RSPO4: variants seen among roughly 807,000 people sequenced by gnomAD.
RSPO4 encodes R-spondin-4.
Under a neutral mutation model 24.8 loss-of-function variants are expected in RSPO4, and 23 were observed. The ratio of observed to expected loss-of-function variants is 0.93; its 90% CI spans 0.67 to 1.31. The LOEUF is 1.31. Among genes scored for constraint, RSPO4 ranks in the 40% most tolerant of loss-of-function variants. The pLI is 0.00. For synonymous variants in RSPO4, 141 were observed against 127.4 expected (o/e 1.11, Z -0.72); for missense variants, 333 against 316.5 (o/e 1.05, Z -0.39).
chr20:999,954 T>C (rs1047616843), intron 1 of RSPO4, among the ~76,000 whole-genome samples: 2 of 152,030 alleles, frequency 1.3e-5, no homozygotes, highest in Non-Finnish European at 2.9e-5. Context: ...CTGCAACCTC[T>C]GCCTCCTGGG....
At chr20:1,001,360 G>A (rs879812297) in intron 1 of RSPO4, among the ~76,000 whole-genome samples, 20 of 152,182 alleles carry the variant, frequency 1.3e-4, no homozygotes, top group South Asian at 2.1e-4. Context: ...ACCTTCTGAG[G>A]ATGTTCTGAC....
chr20:993,292 G>A (rs750397030), intron 1 of RSPO4, among the ~76,000 whole-genome samples: 6 of 152,268 alleles, frequency 3.9e-5, no homozygotes, highest in Non-Finnish European at 7.3e-5. Flanking sequence ...TTCCAGGGCA[G>A]GCAGTGGCGG....
intron 3 of RSPO4, among the ~76,000 whole-genome samples, chr20:966,027 T>A (rs549269400): frequency 6.6e-6 from 1 of 152,090 alleles, no homozygotes; most frequent in Non-Finnish European, 1.5e-5. Context: ...GAGCTGGTTA[T>A]TGAAACCCAG....
intron 3 of RSPO4, 26 bp downstream of exon 3, chr20:967,148 G>A: frequency 1.2e-6 from 2 of 1,608,756 alleles, no homozygotes; most frequent in Non-Finnish European, 1.7e-6. Context: ...GAGGGGCAGG[G>A]GCAGGGCGGG....
intron 1 of RSPO4, among the ~76,000 whole-genome samples, chr20:980,530 G>A (rs957888130): frequency 3.3e-5 from 5 of 152,268 alleles, no homozygotes; most frequent in Admixed American, 1.3e-4. Flanking sequence ...TGCCCACTCC[G>A]TCTCTCAAAT....
At chr20:972,103 C>A (rs1486492993) in intron 1 of RSPO4, among the ~76,000 whole-genome samples, 2 of 152,160 alleles carry the variant, frequency 1.3e-5, no homozygotes, top group African/African-American at 4.8e-5. Context: ...CTTGCTCTGC[C>A]CCCCAGGCTG....
intron 1 of RSPO4, among the ~76,000 whole-genome samples, chr20:989,786 T>G (rs1197576253): frequency 6.6e-6 from 1 of 152,210 alleles, no homozygotes. Flanking sequence ...ATAACCTGGA[T>G]TCTGGGCTGG....
chr20:977,728 C>T (rs1221337312), intron 1 of RSPO4, among the ~76,000 whole-genome samples: 2 of 152,044 alleles, frequency 1.3e-5, no homozygotes, highest in African/African-American at 4.8e-5. Context: ...TGGAGGACTC[C>T]CCAGGGCTAA....
rs145483258 is a variant in RSPO4, at chr20:971,275, G to A, written c.80-3137C>T. Among the ~76,000 whole-genome samples the A allele has an allele frequency of 9.2e-5, 14 of 152,366 alleles. No individual in the cohort carries two copies. In the South Asian group the frequency reaches 1.7e-3, roughly 18 times the overall value. On this transcript the variant is annotated intron_variant, in intron 1 of 4. Transcript: ENST00000217260. ...GGTCCCTGGGTTCCACCCCTGGTAC[G>A]TCTGATTCAGTAGGTCTGAGAATTT...
chr20:1,001,680 A>G (rs998752351), intron 1 of RSPO4, among the ~76,000 whole-genome samples: 4 of 152,138 alleles, frequency 2.6e-5, no homozygotes, highest in African/African-American at 4.8e-5. Context: ...GCCCAGCCCA[A>G]GGCTCTCTAT....
chr20:999,938 G>A (rs549721699), intron 1 of RSPO4, among the ~76,000 whole-genome samples: 36 of 151,986 alleles, frequency 2.4e-4, no homozygotes, highest in Admixed American at 8.5e-4. Context: ...GCATGATCTC[G>A]GCTCACTGCA....
At chr20:964,250 A>G in intron 3 of RSPO4, 130 bp from the exon 4 acceptor site, 1 of 675,050 alleles carries the variant, frequency 1.5e-6, no homozygotes. Flanking sequence ...TCCACCTGCT[A>G]GGAGCAGAGT....
chr20:964,062 G>A lies in RSPO4; in HGVS notation c.468C>T (p.Thr156=), dbSNP rs774425406. 9.3e-6 allele frequency: 15 copies of A among 1,613,840 alleles called. No individual in the cohort carries two copies. The highest frequency in any genetic ancestry group is 1.1e-5 in the Non-Finnish European group (13 of 1,180,022). Residue 156 remains threonine (T), a synonymous_variant, in exon 4 of 5, where the codon ACC becomes ACT. Transcript: ENST00000217260. ...TCTCCAGGCCCCAAGCCGAGCCGCA[G>A]GTCTTTCCATTGTGTGTGCAGGGGC... ...GWSPCTHNGK[T]CGSAWGLESR... is the part of the protein sequence containing the mutation.
chr20:988,342 G>A (rs1984988494), intron 1 of RSPO4, among the ~76,000 whole-genome samples: 1 of 152,124 alleles, frequency 6.6e-6, no homozygotes, highest in Admixed American at 6.5e-5. Flanking sequence ...TGGACTGTGG[G>A]GCAGGAGTAG....
At chr20:997,236 C>T (rs895080589) in intron 1 of RSPO4, among the ~76,000 whole-genome samples, 35 of 152,328 alleles carry the variant, frequency 2.3e-4, no homozygotes, top group African/African-American at 8.4e-4. Context: ...CCTGAATCTC[C>T]TTCAGTGGCT....
At position 958,500 on chromosome 20, in the gene RSPO4, G is replaced by A. The variant is rs1343809273; in HGVS notation, c.*1857C>T. The A allele has an allele frequency of 6.6e-6, 1 of 152,118 alleles. No individual in the cohort carries two copies. Among genetic ancestry groups the A allele is most frequent in the Non-Finnish European group, 1.5e-5 (1 of 68,020 alleles). The allele number at this position is 152,118 out of a possible 1,614,324, so 9.4% of individuals were successfully genotyped here. On this transcript the variant is annotated 3_prime_UTR_variant, in exon 5 of 5. Transcript: ENST00000217260. ...TTAAGAAAGTTTTAAAAAAAAGTTA[G>A]GGTCTTGAAACAATAACAACGGAGC...
intron 1 of RSPO4, among the ~76,000 whole-genome samples, chr20:982,910 G>C (rs947346987): frequency 1.3e-5 from 2 of 152,180 alleles, no homozygotes; most frequent in Non-Finnish European, 1.5e-5. Flanking sequence ...TGAGTAGGAC[G>C]TCTGCAGTGG....
chr20:961,024 C>T (rs1318525753), intron 4 of RSPO4, among the ~76,000 whole-genome samples: 2 of 152,206 alleles, frequency 1.3e-5, no homozygotes, highest in Admixed American at 6.5e-5. Context: ...CACCCAGTCC[C>T]GTCTTCTCCA....
chr20:996,186 C>T (rs1985279934), intron 1 of RSPO4, among the ~76,000 whole-genome samples: 1 of 151,872 alleles, frequency 6.6e-6, no homozygotes, highest in South Asian at 2.1e-4. Context: ...TTGCTGACCC[C>T]ACTCTATTTT....
Sources: gnomAD v4.1 joint callset for allele counts (sites outside exome capture counted in the v4.1 genomes callset) on GRCh38, gnomAD v4.1.1 for gene constraint, MANE v1.5 for transcripts, NCBI Gene and HGNC (gene_info 2026-07-23, HGNC 2026-07-21) for gene names.